The following ACCSL variants were observed in gnomAD, a reference collection of about 807,000 sequenced individuals.
The protein encoded by ACCSL is probable inactive 1-aminocyclopropane-1-carboxylate synthase-like protein 2.
Under a neutral mutation model 61.7 loss-of-function variants are expected in ACCSL, and 55 were observed. That is an observed-to-expected ratio of 0.89 (90% CI 0.72 to 1.12). The LOEUF (loss-of-function observed/expected upper bound fraction) is 1.12, where lower values mean the gene tolerates loss of function less well. Among genes scored for constraint, ACCSL ranks in the 50% most tolerant of loss-of-function variants. The pLI, the probability that ACCSL is intolerant of heterozygous loss-of-function variation, is 0.00. For missense variants in ACCSL, 632 were observed against 698.0 expected, an observed-to-expected ratio of 0.91 and a Z score of 1.07; for synonymous variants, 258 against 264.3, an observed-to-expected ratio of 0.98 and a Z score of 0.23.
At chr11:44,012,995 C>G in the ACCSL span, among the ~76,000 whole-genome samples, 1 of 152,150 alleles carries the variant, frequency 6.6e-6, no homozygotes, top group Admixed American at 6.5e-5. Context: ...AAACCCTGGG[C>G]TAGCCCAGTG....
the ACCSL span, among the ~76,000 whole-genome samples, chr11:43,936,143 G>A: frequency 3.9e-5 from 6 of 152,220 alleles, no homozygotes; most frequent in African/African-American, 1.2e-4. Context: ...CGAGGGCCAC[G>A]TTTGGGCATC....
chr11:43,989,711 G>T, the ACCSL span, among the ~76,000 whole-genome samples: 3 of 152,240 alleles, frequency 2.0e-5, no homozygotes, highest in African/African-American at 7.2e-5. Flanking sequence ...TCTGCACTAT[G>T]GAGGAGCCAG....
chr11:44,034,759 C>G, the ACCSL span, among the ~76,000 whole-genome samples: 1 of 152,124 alleles, frequency 6.6e-6, no homozygotes, highest in African/African-American at 2.4e-5. Context: ...GGGACATACC[C>G]AAACCATATC....
intron 2 of ACCSL, 27 bp from the exon 3 acceptor site, chr11:44,050,525 C>A: frequency 6.2e-7 from 1 of 1,610,962 alleles, no homozygotes. Context: ...CCTGGCCTAC[C>A]TGTCTTCATG....
chr11:43,950,167 G>T, the ACCSL span, among the ~76,000 whole-genome samples: 1 of 152,140 alleles, frequency 6.6e-6, no homozygotes. Flanking sequence ...CCCCACCTTC[G>T]AGTTGTTCCA....
the ACCSL span, among the ~76,000 whole-genome samples, chr11:44,024,461 G>C: frequency 3.1e-4 from 47 of 151,610 alleles, no homozygotes; most frequent in Non-Finnish European, 6.2e-4. Flanking sequence ...GTGTGTGTGT[G>C]TGTGTGTGTG....
At chr11:43,978,723 T>C in the ACCSL span, among the ~76,000 whole-genome samples, 1 of 150,546 alleles carries the variant, frequency 6.6e-6, no homozygotes, top group African/African-American at 2.4e-5. Context: ...GAACATCTCA[T>C]CTGCTTAATG....
chr11:43,950,318 C>G, the ACCSL span, among the ~76,000 whole-genome samples: 150 of 152,346 alleles, frequency 9.8e-4, 4 homozygotes, highest in East Asian at 0.028. Context: ...ACGGGCATGT[C>G]CTTAACCTTG....
chr11:43,928,171 G>T, the ACCSL span, among the ~76,000 whole-genome samples: 3 of 151,992 alleles, frequency 2.0e-5, no homozygotes, highest in Admixed American at 6.5e-5. Flanking sequence ...GGGAGACGGT[G>T]GGGGAGGAAG....
intron 8 of ACCSL, among the ~76,000 whole-genome samples, chr11:44,054,447 C>CTTTTTTTTT (rs67313576): frequency 1.0e-4 from 14 of 138,400 alleles, no homozygotes; most frequent in Admixed American, 2.1e-4. Context: ...TTCTTTCTTT[C>CTTTTTTTTT]TTTTTTTTTT....
the ACCSL span, among the ~76,000 whole-genome samples, chr11:43,951,477 G>A: frequency 6.6e-6 from 1 of 152,196 alleles, no homozygotes; most frequent in East Asian, 1.9e-4. Flanking sequence ...CAGACCTCTG[G>A]GGAGAAGACA....
At chr11:44,019,384 A>T in the ACCSL span, among the ~76,000 whole-genome samples, 1 of 152,184 alleles carries the variant, frequency 6.6e-6, no homozygotes, top group Non-Finnish European at 1.5e-5. Flanking sequence ...TCATTTTACA[A>T]TCCAACCAGC....
At chr11:43,988,706 A>G in the ACCSL span, among the ~76,000 whole-genome samples, 9 of 151,622 alleles carry the variant, frequency 5.9e-5, no homozygotes, top group African/African-American at 1.7e-4. Context: ...CACAGGGTTT[A>G]GGAAGAAACA....
At chr11:43,999,816 A>G in the ACCSL span, among the ~76,000 whole-genome samples, 1 of 151,880 alleles carries the variant, frequency 6.6e-6, no homozygotes, top group Non-Finnish European at 1.5e-5. Context: ...TGCTCTCAGT[A>G]TCTGTGGGTT....
the ACCSL span, among the ~76,000 whole-genome samples, chr11:44,010,372 A>G: frequency 6.6e-6 from 1 of 152,218 alleles, no homozygotes; most frequent in African/African-American, 2.4e-5. Flanking sequence ...ATAGGCAACA[A>G]ATATTTACTG....
intron 11 of ACCSL, among the ~76,000 whole-genome samples, chr11:44,057,512 G>A (rs1013649205): frequency 2.6e-5 from 4 of 152,180 alleles, no homozygotes; most frequent in Non-Finnish European, 5.9e-5. Context: ...ACTGACGTGT[G>A]TTCCATCTTC....
chr11:44,025,453 T>G, the ACCSL span, among the ~76,000 whole-genome samples: 1 of 152,142 alleles, frequency 6.6e-6, no homozygotes, highest in Non-Finnish European at 1.5e-5. Flanking sequence ...TAACATAACT[T>G]TGTTCATTGC....
Position 44,059,873 on chromosome 11 carries a change from A to G in ACCSL, c.1660A>G (p.Lys554Glu). The change falls in exon 14 of 14, where the codon AAG (lysine) becomes GAG (glutamate). Residue 554 changes from lysine (K) to glutamate (E), a missense_variant. By Grantham distance (56) the Lys-to-Glu change is moderately conservative (BLOSUM62 1). Coordinates refer to ENST00000378832, the MANE Select transcript of ACCSL (RefSeq NM_001031854.2). The part of the protein sequence containing the change: ...RRFCDVLQEQ[K>E]EALIVKQLED... ...GTTCTGTGATGTGCTGCAGGAGCAG[A>G]AGGAGGCTTTGATAGTGAAGCAGTT... 3 of 1,613,872 alleles carry G rather than the reference A, an allele frequency of 1.9e-6. No individual in the cohort carries two copies. The highest frequency in any genetic ancestry group is 2.2e-5 in the East Asian group (1 of 44,856).
At chr11:44,024,518 CCTAA>C in the ACCSL span, among the ~76,000 whole-genome samples, 2 of 147,144 alleles carry the variant, frequency 1.4e-5, no homozygotes, top group East Asian at 4.1e-4. Flanking sequence ...TCTGGACAAC[CCTAA>C]CTAATACATT....
Sources: gnomAD v4.1 joint callset for allele counts (sites outside exome capture counted in the v4.1 genomes callset) on GRCh38, gnomAD v4.1.1 for gene constraint, MANE v1.5 for transcripts, NCBI Gene and HGNC (gene_info 2026-07-23, HGNC 2026-07-21) for gene names.